The following SEC16B variants were observed in gnomAD, a reference collection of about 807,000 sequenced individuals.
The protein encoded by SEC16B is protein transport protein Sec16B.
A neutral mutation model predicts 141.8 loss-of-function variants in SEC16B; 115 were observed. That is an observed-to-expected ratio of 0.81 (90% CI 0.70 to 0.95). The LOEUF (loss-of-function observed/expected upper bound fraction) is 0.95. SEC16B is among the 40% of genes least tolerant of loss of function. SEC16B has a pLI of 0.00. For synonymous variants in SEC16B, 493 were observed against 492.5 expected, an observed-to-expected ratio of 1.00 and a Z score of -0.01; for missense variants, 1,291 against 1,312.3, an observed-to-expected ratio of 0.98 and a Z score of 0.25.
At chr1:177,955,663 C>A (rs1213419603) in intron 10 of SEC16B, among the ~76,000 whole-genome samples, 1 of 152,160 alleles carries the variant, frequency 6.6e-6, no homozygotes, top group African/African-American at 2.4e-5. Flanking sequence ...CTCAGATTGG[C>A]ACCTATCAAA....
chr1:177,960,660 G>T, intron 7 of SEC16B, 131 bp downstream of exon 7: 1 of 999,638 alleles, frequency 1.0e-6, no homozygotes, highest in African/African-American at 1.6e-5. Context: ...GGGGTACATG[G>T]CCCAGTTTCC....
At chr1:177,982,542 C>T (rs1238144530) in intron 1 of SEC16B, among the ~76,000 whole-genome samples, 1 of 152,126 alleles carries the variant, frequency 6.6e-6, no homozygotes, top group Non-Finnish European at 1.5e-5. Context: ...AAAAATTGTG[C>T]TTTTTAAAAA....
At chr1:177,959,044 C>G (rs1652863197) in intron 8 of SEC16B, 69 bp from the exon 9 acceptor site, 4 of 1,528,604 alleles carry the variant, frequency 2.6e-6, no homozygotes, top group Non-Finnish European at 3.5e-6. Flanking sequence ...ACCCCAGGCT[C>G]CTCCTAAGTG....
At chr1:177,940,538 T>C in intron 17 of SEC16B, 72 bp downstream of exon 17, 2 of 1,074,020 alleles carry the variant, frequency 1.9e-6, no homozygotes. Context: ...TGCCTACCTG[T>C]TCCATGTCTA....
chr1:177,939,800 C>G, intron 17 of SEC16B, 23 bp from the exon 18 acceptor site: 1 of 1,520,768 alleles, frequency 6.6e-7, no homozygotes, highest in Non-Finnish European at 8.9e-7. Flanking sequence ...AAGTAAAATT[C>G]CTTTTAAGCA....
chr1:177,965,622 T>G (rs1653454766), intron 3 of SEC16B, among the ~76,000 whole-genome samples: 1 of 152,308 alleles, frequency 6.6e-6, no homozygotes, highest in Non-Finnish European at 1.5e-5. Context: ...TAATCTGGGC[T>G]ATAAGGCAAA....
chr1:177,964,125 G>A (rs1212002783), intron 5 of SEC16B, 46 bp downstream of exon 5: 7 of 1,394,376 alleles, frequency 5.0e-6, no homozygotes, highest in African/African-American at 1.4e-5. Flanking sequence ...AGTGTCAGCT[G>A]CGACACATGG....
At chr1:177,950,871 GGGAA>G (rs926343056) in intron 12 of SEC16B, among the ~76,000 whole-genome samples, 5 of 148,548 alleles carry the variant, frequency 3.4e-5, no homozygotes, top group Non-Finnish European at 6.0e-5. Context: ...AAAGAAAGGA[GGGAA>G]GGAAGGAAGG....
chr1:177,933,240 C>T lies in SEC16B; in HGVS notation c.2797G>A (p.Asp933Asn). The change falls in exon 22 of 26, where the codon GAC (aspartate) becomes AAC (asparagine). Residue 933 changes from aspartate to asparagine, a missense_variant. Physicochemically the swap from Asp to Asn is conservative, Grantham distance 23 (BLOSUM62 1). Transcript: ENST00000308284. ...TKNASPAGDE[D>N]SSDSPDSEET... ...TCAGAGTCAGGGCTGTCTGAGGAGT[C>T]CTCGTCTCCAGCGGGGGATGCGTTC... 1 of 1,591,594 alleles carries T rather than the reference C, an allele frequency of 6.3e-7. No homozygotes were observed. Among genetic ancestry groups the T allele is most frequent in the Non-Finnish European group, 8.6e-7 (1 of 1,168,834 alleles).
intron 1 of SEC16B, among the ~76,000 whole-genome samples, chr1:177,983,792 C>A (rs944533924): frequency 6.6e-6 from 1 of 152,218 alleles, no homozygotes; most frequent in African/African-American, 2.4e-5. Flanking sequence ...TATTTAACAG[C>A]CTCTCTCCTT....
At chr1:177,950,666 C>A (rs1013854276) in intron 12 of SEC16B, among the ~76,000 whole-genome samples, 1 of 151,820 alleles carries the variant, frequency 6.6e-6, no homozygotes, top group South Asian at 2.1e-4. Flanking sequence ...AATAATGAAG[C>A]AATTGCATCT....
intron 20 of SEC16B, among the ~76,000 whole-genome samples, chr1:177,933,996 A>C (rs498440): frequency 0.78 from 114,019 of 146,794 alleles, 43,937 homozygotes; most frequent in Middle Eastern, 0.86. Flanking sequence ...AGCTCCCCCC[A>C]AAAAAAAAAA....
chr1:177,956,883 T>C (rs932355881), intron 10 of SEC16B, among the ~76,000 whole-genome samples: 2 of 152,200 alleles, frequency 1.3e-5, no homozygotes, highest in Non-Finnish European at 2.9e-5. Flanking sequence ...TGGGTTATGG[T>C]AAACATTCTG....
At chr1:177,971,693 C>CT (rs1276685061), upstream of SEC16B, among the ~76,000 whole-genome samples, 2 of 152,068 alleles carry the variant, frequency 1.3e-5, no homozygotes, top group African/African-American at 4.8e-5. Context: ...AGCAACTATG[C>CT]TTTTTTGATG....
At chr1:177,933,085 T>C (rs1650567327) in intron 22 of SEC16B, 129 bp downstream of exon 22, 1 of 740,726 alleles carries the variant, frequency 1.4e-6, no homozygotes, top group East Asian at 2.7e-5. Flanking sequence ...CCATATCCCA[T>C]CACAAAACCT....
chr1:177,966,288 T>A (rs1051389839), intron 2 of SEC16B, among the ~76,000 whole-genome samples: 1 of 152,204 alleles, frequency 6.6e-6, no homozygotes, highest in Non-Finnish European at 1.5e-5. Flanking sequence ...TATTTTGTAG[T>A]AAAACTCTCA....
chr1:177,949,428 AC>A (rs1386530341), intron 12 of SEC16B, among the ~76,000 whole-genome samples: 44 of 147,296 alleles, frequency 3.0e-4, no homozygotes, highest in African/African-American at 1.1e-3. Flanking sequence ...ACACACACAC[AC>A]AAAGAAAAAC....
intron 12 of SEC16B, among the ~76,000 whole-genome samples, chr1:177,948,985 C>T (rs991484311): frequency 8.6e-5 from 13 of 151,198 alleles, no homozygotes; most frequent in Non-Finnish European, 1.5e-4. Flanking sequence ...AGGTGATTTG[C>T]ATAGCCGCCT....
chr1:177,972,121 T>C (rs922454837), upstream of SEC16B, among the ~76,000 whole-genome samples: 1 of 152,220 alleles, frequency 6.6e-6, no homozygotes, highest in Admixed American at 6.5e-5. Flanking sequence ...ATGCTTATTT[T>C]GTGACATCCC....
Sources: gnomAD v4.1 joint callset for allele counts (sites outside exome capture counted in the v4.1 genomes callset) on GRCh38, gnomAD v4.1.1 for gene constraint, MANE v1.5 for transcripts, NCBI Gene and HGNC (gene_info 2026-07-23, HGNC 2026-07-21) for gene names.